CAST: variants seen among roughly 807,000 people sequenced by gnomAD.
CAST encodes the protein calpastatin.
CAST carries 76 observed loss-of-function variants against 119.6 expected under a neutral mutation model. That is an observed-to-expected ratio of 0.64 (90% CI 0.53 to 0.77). The LOEUF is 0.77. Among genes scored for constraint, CAST ranks in the 30% least tolerant of loss-of-function variants. The pLI is 0.00. For synonymous variants in CAST, 319 were observed against 331.6 expected (o/e 0.96, Z 0.41); for missense variants, 953 against 946.5 (o/e 1.01, Z -0.09).
At chr5:96,145,518 G>C in the CAST span, among the ~76,000 whole-genome samples, 1 of 152,152 alleles carries the variant, frequency 6.6e-6, no homozygotes, top group East Asian at 1.9e-4. Flanking sequence ...GCCAAGGTTG[G>C]AGAAACAACT....
intron 1 of CAST, among the ~76,000 whole-genome samples, chr5:96,673,311 C>A (rs994439961): frequency 6.6e-6 from 1 of 152,092 alleles, no homozygotes; most frequent in Non-Finnish European, 1.5e-5. Context: ...ACAAATTTAA[C>A]AGAGCTTATT....
the CAST span, among the ~76,000 whole-genome samples, chr5:96,051,166 T>G: frequency 1.3e-5 from 2 of 152,192 alleles, no homozygotes; most frequent in Admixed American, 1.3e-4. Context: ...AAGTGGGTTA[T>G]AAGTGCTATT....
At chr5:96,619,541 C>T (rs563022173) in intron 1 of CAST, among the ~76,000 whole-genome samples, 5 of 152,324 alleles carry the variant, frequency 3.3e-5, no homozygotes, top group East Asian at 3.9e-4. Flanking sequence ...AGTGTGGTAG[C>T]TTTGTTCTTT....
At chr5:96,387,820 C>G in the CAST span, among the ~76,000 whole-genome samples, 4 of 152,176 alleles carry the variant, frequency 2.6e-5, no homozygotes, top group African/African-American at 9.7e-5. Flanking sequence ...CCAAAGGGTA[C>G]TCTCCTCTCA....
chr5:96,307,812 G>A, the CAST span, among the ~76,000 whole-genome samples: 4 of 152,128 alleles, frequency 2.6e-5, no homozygotes, highest in Admixed American at 6.5e-5. Context: ...GGTTTCTCCC[G>A]AGAGATCCAC....
chr5:96,638,455 G>A (rs1747909895), intron 1 of CAST, among the ~76,000 whole-genome samples: 1 of 152,082 alleles, frequency 6.6e-6, no homozygotes, highest in African/African-American at 2.4e-5. Context: ...TGTAAGCAAT[G>A]GCATTACTAG....
At chr5:96,696,067 T>C (rs534184870) in intron 3 of CAST, 160 bp downstream of exon 3, 1 of 419,610 alleles carries the variant, frequency 2.4e-6, no homozygotes, top group South Asian at 6.6e-5. Context: ...AATTTCTTAA[T>C]AATGATGTGA....
chr5:95,985,884 T>G, the CAST span, among the ~76,000 whole-genome samples: 1 of 152,234 alleles, frequency 6.6e-6, no homozygotes. Flanking sequence ...ATATTTGAAG[T>G]GGCTTTTTCT....
chr5:96,391,427 G>C, the CAST span: 1 of 152,298 alleles, frequency 6.6e-6, no homozygotes, highest in Admixed American at 6.5e-5. Context: ...GACTTTGTAA[G>C]CATATTGAGA....
chr5:96,249,342 A>G, the CAST span, among the ~76,000 whole-genome samples: 1 of 152,216 alleles, frequency 6.6e-6, no homozygotes, highest in Non-Finnish European at 1.5e-5. Flanking sequence ...CTGAGTGCCA[A>G]CTTTGGCATT....
the CAST span, among the ~76,000 whole-genome samples, chr5:96,193,687 T>C: frequency 3.3e-5 from 5 of 151,640 alleles, no homozygotes; most frequent in Admixed American, 6.6e-5. Context: ...TAAGTAACAG[T>C]GGGATTGGAA....
At chr5:95,987,135 T>G in the CAST span, among the ~76,000 whole-genome samples, 1 of 152,094 alleles carries the variant, frequency 6.6e-6, no homozygotes, top group Non-Finnish European at 1.5e-5. Flanking sequence ...CCCCCACAGC[T>G]CCAGAAGCTG....
chr5:96,361,809 C>CTTTTTTTTTTTTTTTTTTGTTTTT, the CAST span, among the ~76,000 whole-genome samples: 1 of 68,640 alleles, frequency 1.5e-5, no homozygotes, highest in Non-Finnish European at 2.5e-5. Flanking sequence ...CTCTAGTATG[C>CTTTTTTTTTTTTTTTTTTGTTTTT]TTTTTTTTTT....
At chr5:96,555,460 G>A (rs989462909) in intron 1 of CAST, among the ~76,000 whole-genome samples, 5 of 152,180 alleles carry the variant, frequency 3.3e-5, no homozygotes, top group Admixed American at 6.5e-5. Context: ...AGGGGTCAGG[G>A]AATTCCCTTT....
the CAST span, among the ~76,000 whole-genome samples, chr5:96,015,862 T>A: frequency 2.0e-4 from 30 of 152,186 alleles, no homozygotes; most frequent in Non-Finnish European, 4.0e-4. Context: ...TGTGGGGAAC[T>A]TCATCCAGGC....
chr5:96,227,003 T>G, the CAST span, among the ~76,000 whole-genome samples: 3 of 152,208 alleles, frequency 2.0e-5, no homozygotes, highest in Non-Finnish European at 2.9e-5. Flanking sequence ...ATGGGCTGAT[T>G]GCAGCATTGT....
At chr5:96,745,448 G>A (rs761685879) in intron 16 of CAST, among the ~76,000 whole-genome samples, 4 of 151,962 alleles carry the variant, frequency 2.6e-5, no homozygotes, top group South Asian at 4.1e-4. Flanking sequence ...ATTATTGTGC[G>A]TATCCTGTTT....
the CAST span, among the ~76,000 whole-genome samples, chr5:96,290,441 C>T: frequency 3.3e-5 from 5 of 150,982 alleles, no homozygotes; most frequent in Non-Finnish European, 5.9e-5. Flanking sequence ...ATAGCAATTC[C>T]CCTTTTATTT....
At chr5:96,631,211 C>T (rs1747814018) in intron 1 of CAST, 1 of 140,836 alleles carries the variant, frequency 7.1e-6, no homozygotes, top group African/African-American at 2.5e-5. Flanking sequence ...AACTCCAGAA[C>T]ATTTTCATCA....
Sources: gnomAD v4.1 joint callset for allele counts (sites outside exome capture counted in the v4.1 genomes callset) on GRCh38, gnomAD v4.1.1 for gene constraint, MANE v1.5 for transcripts, NCBI Gene and HGNC (gene_info 2026-07-23, HGNC 2026-07-21) for gene names.